The following SUCO variants were observed in gnomAD, a reference collection of about 807,000 sequenced individuals.
The protein encoded by SUCO is SUN domain-containing ossification factor.
Under a neutral mutation model 148.1 loss-of-function variants are expected in SUCO, and 57 were observed. That is an observed-to-expected ratio of 0.38 (90% CI 0.31 to 0.48). SUCO has a LOEUF of 0.48. Among genes scored for constraint, SUCO ranks in the 20% least tolerant of loss-of-function variants. SUCO has a pLI of 0.96. For missense variants in SUCO, 1,331 were observed against 1,468.2 expected (o/e 0.91, Z 1.53); for synonymous variants, 470 against 502.7 (o/e 0.93, Z 0.87).
In SUCO at chr1:172,571,189, CCTGCGATTG is replaced by C. The variant is rs538064461; in HGVS notation, c.1049+461_1049+469del. Among the ~76,000 whole-genome samples, 828 of 152,370 alleles carry C rather than the reference CCTGCGATTG, an allele frequency of 5.4e-3. 9 individuals are homozygous for C. The Middle Eastern group carries it at 0.054, about 10-fold the overall frequency. On this transcript the variant is annotated intron_variant, in intron 9 of 23. Coordinates refer to ENST00000263688, the MANE Select transcript of SUCO (RefSeq NM_014283.5). Reference sequence around the variant, plus strand: ...TTCTCCTGCCTCAGCCTGCGGAGTGCCTGCGATTGCAGGCGCGCGCCACCACGCCTGACT... The same window carrying C: ...TTCTCCTGCCTCAGCCTGCGGAGTGCCAGGCGCGCGCCACCACGCCTGACT...
At chr1:172,590,111 TG>T (rs1250607823) in intron 18 of SUCO, among the ~76,000 whole-genome samples, 185 bp downstream of exon 18, 1 of 152,186 alleles carries the variant, frequency 6.6e-6, no homozygotes. Flanking sequence ...ATTGATTTTT[TG>T]TTTTTAATTT....
At chr1:172,564,615 T>C (rs1455128734) in intron 6 of SUCO, among the ~76,000 whole-genome samples, 3 of 152,150 alleles carry the variant, frequency 2.0e-5, no homozygotes, top group African/African-American at 7.2e-5. Flanking sequence ...CTTTTTTTTT[T>C]TTTTCATAAA....
At chr1:172,567,055 C>CT (rs1452660566) in intron 6 of SUCO, among the ~76,000 whole-genome samples, 8 of 152,294 alleles carry the variant, frequency 5.3e-5, no homozygotes, top group Non-Finnish European at 8.8e-5. Flanking sequence ...GTAAAGCACT[C>CT]TAAGGTGGAA....
chr1:172,559,522 G>A (rs1449095348), intron 6 of SUCO, among the ~76,000 whole-genome samples: 2 of 152,204 alleles, frequency 1.3e-5, no homozygotes, highest in African/African-American at 2.4e-5. Context: ...ATTAAACAGC[G>A]ACTTTAATTG....
chr1:172,591,732 G>A (rs1211533602), intron 19 of SUCO, among the ~76,000 whole-genome samples: 3 of 151,074 alleles, frequency 2.0e-5, no homozygotes, highest in African/African-American at 4.9e-5. Flanking sequence ...TAGTGCCACA[G>A]TAAACATACG....
chr1:172,608,940 A>G (rs1213145991), intron 23 of SUCO, 138 bp downstream of exon 23: 3 of 680,780 alleles, frequency 4.4e-6, no homozygotes, highest in South Asian at 4.0e-5. Context: ...AATGTTGTAA[A>G]TAAATATTAA....
chr1:172,575,040 G>A lies in SUCO; in HGVS notation c.1158-478G>A, dbSNP rs560304045. 1.4e-4 allele frequency: 35 copies of A among 249,760 alleles called. No individual in the cohort carries two copies. In the South Asian group the frequency reaches 4.7e-3, roughly 34 times the overall value. 15.5% of individuals were successfully genotyped at this position (249,760 alleles called of 1,614,324 possible). A position where few individuals can be genotyped will look rare whatever the true frequency, so the allele number is the denominator to read the frequency against. On this transcript the variant is annotated intron_variant, in intron 10 of 23. Transcript: ENST00000263688. ...AGTTCTTATAATGTTTCAGTAAACA[G>A]ATATAATAGTTTTAGACTTTTATAT...
chr1:172,574,987 C>T (rs1345188425), intron 10 of SUCO: 2 of 680,008 alleles, frequency 2.9e-6, no homozygotes, highest in African/African-American at 2.0e-5. Context: ...ATTTTTTTAA[C>T]GTGGTGAGAG....
At chr1:172,582,768 T>C (rs999522726) in intron 15 of SUCO, among the ~76,000 whole-genome samples, 1 of 152,148 alleles carries the variant, frequency 6.6e-6, no homozygotes, top group African/African-American at 2.4e-5. Flanking sequence ...ATGGGAAAAT[T>C]ATTTTAGGTT....
Position 172,602,688 on chromosome 1 carries a change from T to C in SUCO, c.3174-8T>C, listed in dbSNP as rs760598609. On this transcript the variant is annotated splice_polypyrimidine_tract_variant and splice_region_variant and intron_variant, in intron 21 of 23. Coordinates refer to ENST00000263688, the MANE Select transcript of SUCO (RefSeq NM_014283.5). ...TGTAACCAATATGTATTTTTCCTAA[T>C]GTGTTAGGTGTTTCTCTTCCTATGA... 3 of 1,608,256 alleles carry C rather than the reference T, an allele frequency of 1.9e-6. No individual in the cohort carries two copies. The highest frequency in any genetic ancestry group is 2.5e-6 in the Non-Finnish European group (3 of 1,178,476).
intron 19 of SUCO, among the ~76,000 whole-genome samples, chr1:172,593,873 T>A (rs1242945173): frequency 6.6e-6 from 1 of 152,240 alleles, no homozygotes; most frequent in African/African-American, 2.4e-5. Context: ...TTTGTACCTC[T>A]GGTAAAATTC....
intron 4 of SUCO, chr1:172,556,912 A>T (rs1653796650): frequency 1.0e-6 from 1 of 959,282 alleles, no homozygotes; most frequent in Non-Finnish European, 1.2e-6. Flanking sequence ...CGAAATTCTA[A>T]GAACACCTTA....
intron 1 of SUCO, among the ~76,000 whole-genome samples, chr1:172,546,133 G>A (rs890833455): frequency 6.6e-6 from 1 of 151,974 alleles, no homozygotes; most frequent in Admixed American, 6.6e-5. Context: ...ACGGAGTTTT[G>A]CCTTGTTGCC....
chr1:172,540,504 TA>T (rs1374181121), intron 1 of SUCO, among the ~76,000 whole-genome samples: 1 of 152,240 alleles, frequency 6.6e-6, no homozygotes, highest in African/African-American at 2.4e-5. Context: ...GAACTCAGTT[TA>T]TTTTTTATAT....
chr1:172,601,723 A>G (rs574266035), intron 20 of SUCO, among the ~76,000 whole-genome samples: 1 of 152,304 alleles, frequency 6.6e-6, no homozygotes, highest in African/African-American at 2.4e-5. Flanking sequence ...TAAAAGCACA[A>G]TTATTTTTTC....
At chr1:172,591,992 T>G (rs1656710847) in intron 19 of SUCO, among the ~76,000 whole-genome samples, 1 of 152,244 alleles carries the variant, frequency 6.6e-6, no homozygotes, top group South Asian at 2.1e-4. Flanking sequence ...TGAGATGGTA[T>G]CTCATTGTGG....
At position 172,587,329 on chromosome 1, in the gene SUCO, GC is replaced by G. The variant is rs1275393566; in HGVS notation, c.1658+1383del. ...GATGTCACTGTTAAAGTTACGGAAA[GC>G]CAACTTATTTTCTTTTCCTAGGTTT... On this transcript the variant is annotated intron_variant, in intron 17 of 23. Coordinates refer to ENST00000263688, the MANE Select transcript of SUCO (RefSeq NM_014283.5). Among the ~76,000 whole-genome samples the G allele has an allele frequency of 5.3e-5, 8 of 152,122 alleles. No homozygotes were observed. The East Asian group carries it at 1.5e-3, about 29-fold the overall frequency.
chr1:172,589,963 A>C, intron 18 of SUCO, 37 bp downstream of exon 18: 1 of 1,467,376 alleles, frequency 6.8e-7, no homozygotes, highest in Non-Finnish European at 9.0e-7. Context: ...TCAGCTTCAC[A>C]CAGTGAGTTA....
At chr1:172,602,440 C>T in intron 21 of SUCO, 5 of 983,174 alleles carry the variant, frequency 5.1e-6, no homozygotes, top group Non-Finnish European at 6.0e-6. Flanking sequence ...GTGCATGAAA[C>T]CCCTGAAATA....
Sources: allele counts gnomAD v4.1 joint callset (sites outside exome capture counted in the v4.1 genomes callset), GRCh38; gene constraint gnomAD v4.1.1; transcripts MANE v1.5; gene names NCBI Gene and HGNC (gene_info 2026-07-23, HGNC 2026-07-21).